The following PRRC2C variants were observed in gnomAD, a reference collection of about 807,000 sequenced individuals.
The protein encoded by PRRC2C is protein PRRC2C.
In PRRC2C, 72 loss-of-function variants were observed where a neutral mutation model predicts 317.2. The ratio of observed to expected loss-of-function variants is 0.23; its 90% CI spans 0.19 to 0.28. PRRC2C has a LOEUF of 0.28. Among genes scored for constraint, PRRC2C ranks in the 10% least tolerant of loss-of-function variants. The pLI is 1.00. For missense variants in PRRC2C, 3,074 were observed against 3,459.7 expected (o/e 0.89, Z 2.80); for synonymous variants, 1,296 against 1,205.9 (o/e 1.07, Z -1.55).
intron 1 of PRRC2C, chr1:171,511,052 G>A (rs1671280423): frequency 6.6e-6 from 1 of 152,100 alleles, no homozygotes. Context: ...AGTGGATATA[G>A]GCTTTACTTT....
chr1:171,522,104 TTATA>T (rs977610717), intron 6 of PRRC2C, 69 bp from the exon 7 acceptor site: 1 of 660,256 alleles, frequency 1.5e-6, no homozygotes, highest in Non-Finnish European at 2.4e-6. Context: ...AGGCTCAGAT[TTATA>T]TATATATATA....
At position 171,557,661 on chromosome 1, in the gene PRRC2C, C is replaced by T; in HGVS notation, c.5549C>T (p.Ser1850Leu). The change falls in exon 19 of 35, where the codon TCA becomes TTA. Residue 1850 changes from serine to leucine, a missense_variant. Ser to Leu is a moderately radical substitution (Grantham distance 145). This residue lies in a region of PRRC2C where 640 missense variants were observed against 676.1 expected (regional missense o/e 0.95). Coordinates refer to ENST00000647382, the MANE Select transcript of PRRC2C (RefSeq NM_001387844.1). ...PAPTPILASV[S>L]TPASVTILAS... ...CCAACCCCCATCCTTGCCTCAGTTT[C>T]AACCCCAGCTTCTGTCACCATTCTT... 1 of 1,551,640 alleles carries T rather than the reference C, an allele frequency of 6.4e-7. No individual in the cohort carries two copies. Among genetic ancestry groups the T allele is most frequent in the Non-Finnish European group, 8.7e-7 (1 of 1,146,964 alleles).
At chr1:171,507,412 A>G (rs774114645) in intron 1 of PRRC2C, among the ~76,000 whole-genome samples, 1 of 152,070 alleles carries the variant, frequency 6.6e-6, no homozygotes, top group Non-Finnish European at 1.5e-5. Context: ...GGAGTTCAAG[A>G]CCACCCTGAC....
intron 17 of PRRC2C, among the ~76,000 whole-genome samples, chr1:171,549,065 A>AT (rs1411119766): frequency 2.8e-4 from 43 of 152,300 alleles, no homozygotes; most frequent in African/African-American, 1.0e-3. Flanking sequence ...ACATATATTT[A>AT]TTTTTAACAA....
intron 5 of PRRC2C, 93 bp downstream of exon 5, chr1:171,515,952 C>A: frequency 7.3e-7 from 1 of 1,371,072 alleles, no homozygotes. Context: ...ATATTATTTG[C>A]CTACTTCGAA....
rs533213461 is a variant in PRRC2C, at chr1:171,513,071, A to C, written c.189A>C (p.Pro63=). The C allele has an allele frequency of 3.7e-6, 6 of 1,613,836 alleles. No individual in the cohort carries two copies. Among genetic ancestry groups the C allele is most frequent in the Admixed American group, 1.7e-5 (1 of 59,996 alleles). Residue 63 remains proline (P), a synonymous_variant, in exon 3 of 35, where the codon CCA becomes CCC. Transcript: ENST00000647382. ...SRRMPPPANL[P]SLKAENKGND... Reference sequence around the variant, plus strand: ...GTATGCCTCCACCTGCTAACCTCCCAAGTCTTAAAGCAGAAAACAAAGGCA... The same window carrying C: ...GTATGCCTCCACCTGCTAACCTCCCCAGTCTTAAAGCAGAAAACAAAGGCA...
chr1:171,569,227 T>A (rs941063893), intron 23 of PRRC2C, among the ~76,000 whole-genome samples: 9 of 151,814 alleles, frequency 5.9e-5, no homozygotes, highest in African/African-American at 9.7e-5. Flanking sequence ...ATCCTTTTTT[T>A]AAAAAAATCC....
intron 1 of PRRC2C, among the ~76,000 whole-genome samples, chr1:171,508,218 AC>A (rs1441390761): frequency 2.0e-5 from 3 of 152,142 alleles, no homozygotes; most frequent in South Asian, 2.1e-4. Context: ...CTAGCTGTGT[AC>A]TAGATTTCAG....
At chr1:171,526,803 A>ATTTTTTTTTTTTTTTTTTTTTTTTTTT (rs1557918055) in intron 10 of PRRC2C, among the ~76,000 whole-genome samples, 1 of 85,796 alleles carries the variant, frequency 1.2e-5, no homozygotes, top group Non-Finnish European at 2.4e-5. Flanking sequence ...TCAGAAATAT[A>ATTTTTTTTTTTTTTTTTTTTTTTTTTT]TCTTTTTTTT....
At chr1:171,578,027 C>A (rs1259252450) in intron 26 of PRRC2C, among the ~76,000 whole-genome samples, 1 of 148,106 alleles carries the variant, frequency 6.8e-6, no homozygotes, top group Non-Finnish European at 1.5e-5. Context: ...AACTCCTGAG[C>A]TCAAGTGATC....
rs1679924684 is a variant in PRRC2C, at chr1:171,550,153, T to C, written c.5040T>C (p.Asp1680=). The C allele has an allele frequency of 6.2e-7, 1 of 1,608,436 alleles. No individual in the cohort carries two copies. The highest frequency in any genetic ancestry group is 1.1e-5 in the South Asian group (1 of 89,904). ...AAGATCCCCAGTCAAATTTGAATGA[T>C]GATGGTTTTACTGAAGTGGTATCCA... ...VIEDPQSNLN[D]DGFTEVVSKK... Residue 1680 remains aspartate (D), a synonymous_variant, in exon 18 of 35, where the codon GAT becomes GAC. Transcript: ENST00000647382.
chr1:171,570,401 A>G (rs1439611627), intron 23 of PRRC2C, among the ~76,000 whole-genome samples: 2 of 152,212 alleles, frequency 1.3e-5, no homozygotes, highest in Non-Finnish European at 2.9e-5. Context: ...ACTCAGTAGT[A>G]CAATCATCTT....
intron 5 of PRRC2C, among the ~76,000 whole-genome samples, chr1:171,517,019 C>A (rs1427205801): frequency 6.6e-6 from 1 of 152,144 alleles, no homozygotes; most frequent in Non-Finnish European, 1.5e-5. Flanking sequence ...AGTGTAAATA[C>A]CAGAAGATAA....
At chr1:171,493,556 C>CGAG (rs1330458527) in intron 1 of PRRC2C, among the ~76,000 whole-genome samples, 1 of 152,174 alleles carries the variant, frequency 6.6e-6, no homozygotes. Flanking sequence ...AGCGATGGCT[C>CGAG]ACCCTGTAAT....
intron 27 of PRRC2C, 115 bp from the exon 28 acceptor site, chr1:171,579,713 G>T: frequency 1.5e-6 from 2 of 1,322,212 alleles, no homozygotes; most frequent in South Asian, 1.7e-5. Context: ...AAATGGAGCT[G>T]ATATATAGTA....
chr1:171,499,743 T>G (rs1283049610), intron 1 of PRRC2C, among the ~76,000 whole-genome samples: 2 of 151,876 alleles, frequency 1.3e-5, no homozygotes, highest in Non-Finnish European at 2.9e-5. Flanking sequence ...GGCAGAAATT[T>G]CAGTGAGCCA....
intron 22 of PRRC2C, among the ~76,000 whole-genome samples, chr1:171,567,985 G>A (rs892995032): frequency 3.9e-5 from 6 of 152,144 alleles, no homozygotes; most frequent in African/African-American, 1.2e-4. Flanking sequence ...CCAGGAGTTC[G>A]AGACCAGCCT....
intron 17 of PRRC2C, among the ~76,000 whole-genome samples, chr1:171,549,803 A>G (rs751844899): frequency 6.6e-5 from 10 of 152,118 alleles, no homozygotes; most frequent in Non-Finnish European, 1.0e-4. Context: ...CTCAAGCAGT[A>G]TGCCCATCTC....
chr1:171,566,579 C>A lies in PRRC2C; in HGVS notation c.6307-13C>A. On this transcript the variant is annotated splice_polypyrimidine_tract_variant and intron_variant, in intron 21 of 34. Coordinates refer to ENST00000647382, the MANE Select transcript of PRRC2C (RefSeq NM_001387844.1). ...ATCATAAACATAGTTTTATCATAAA[C>A]ATTTGACTTTAGCTTCCAGATTTGA... 6.4e-7 allele frequency: 1 copy of A among 1,553,166 alleles called. No homozygotes were observed. The highest frequency in any genetic ancestry group is 8.7e-7 in the Non-Finnish European group (1 of 1,151,980).
Sources: allele counts gnomAD v4.1 joint callset (sites outside exome capture counted in the v4.1 genomes callset), GRCh38; gene constraint gnomAD v4.1.1; regional missense constraint gnomAD v4.1.1; transcripts MANE v1.5; gene names NCBI Gene and HGNC (gene_info 2026-07-23, HGNC 2026-07-21).